The following TMTC2 variants were observed in gnomAD, a reference collection of about 807,000 sequenced individuals.
TMTC2 encodes protein O-mannosyl-transferase TMTC2.
In TMTC2, 43 loss-of-function variants were observed where a neutral mutation model predicts 82.4. That is an observed-to-expected ratio of 0.52 (90% CI 0.41 to 0.67). The LOEUF is 0.67. Ranked by LOEUF, TMTC2 falls within the 30% of genes least tolerant of loss-of-function variation. The probability of loss-of-function intolerance (pLI) is 0.00; values close to 1 mark genes in which losing one functional copy is unlikely to be tolerated. For missense variants in TMTC2, 919 were observed against 1,012.4 expected, an observed-to-expected ratio of 0.91 and a Z score of 1.25; for synonymous variants, 408 against 381.9, an observed-to-expected ratio of 1.07 and a Z score of -0.80.
intron 9 of TMTC2, among the ~76,000 whole-genome samples, chr12:83,047,181 GC>G (rs1882176075): frequency 6.6e-6 from 1 of 152,168 alleles, no homozygotes; most frequent in South Asian, 2.1e-4. Context: ...GTTTGAAGGG[GC>G]TAGTGTCTGG....
intron 4 of TMTC2, among the ~76,000 whole-genome samples, chr12:82,935,511 C>A (rs1319552980): frequency 6.6e-6 from 1 of 152,098 alleles, no homozygotes; most frequent in African/African-American, 2.4e-5. Flanking sequence ...GTGATTTACA[C>A]AGTCAGATTT....
At chr12:82,810,180 G>C (rs1879426602) in intron 1 of TMTC2, among the ~76,000 whole-genome samples, 1 of 151,288 alleles carries the variant, frequency 6.6e-6, no homozygotes, top group Non-Finnish European at 1.5e-5. Flanking sequence ...TTGCATACCA[G>C]TTTCTTTAAA....
chr12:83,106,507 A>AC (rs1218537668), intron 11 of TMTC2, among the ~76,000 whole-genome samples: 1 of 151,862 alleles, frequency 6.6e-6, no homozygotes, highest in Non-Finnish European at 1.5e-5. Context: ...CTCCAAAAAA[A>AC]AAAAAAAAAA....
At chr12:83,081,016 G>A (rs951440209) in intron 11 of TMTC2, among the ~76,000 whole-genome samples, 5 of 152,126 alleles carry the variant, frequency 3.3e-5, no homozygotes, top group Non-Finnish European at 5.9e-5. Flanking sequence ...GTGGTGTTGT[G>A]GTCCCTATCC....
At chr12:83,094,304 C>A (rs1400486075) in intron 11 of TMTC2, among the ~76,000 whole-genome samples, 4 of 152,160 alleles carry the variant, frequency 2.6e-5, no homozygotes, top group Non-Finnish European at 4.4e-5. Context: ...TTTAACCAAG[C>A]AATACCTGCT....
At chr12:82,913,391 T>G (rs1874813276) in intron 3 of TMTC2, among the ~76,000 whole-genome samples, 1 of 152,192 alleles carries the variant, frequency 6.6e-6, no homozygotes, top group Admixed American at 6.5e-5. Flanking sequence ...AGCAGACATT[T>G]ACTTTTGAGG....
chr12:83,077,094 A>T (rs118088321), intron 11 of TMTC2, among the ~76,000 whole-genome samples: 8 of 152,218 alleles, frequency 5.3e-5, no homozygotes, highest in Non-Finnish European at 1.2e-4. Flanking sequence ...GCTCAACTCT[A>T]TAGCAAAGAC....
At chr12:82,964,980 T>C (rs981201382) in intron 4 of TMTC2, 44 bp from the exon 5 acceptor site, 64 of 1,446,938 alleles carry the variant, frequency 4.4e-5, no homozygotes, top group Non-Finnish European at 6.1e-5. Context: ...GTTTTATATA[T>C]AATAATACAG....
At chr12:82,763,403 G>T (rs185337978) in intron 1 of TMTC2, among the ~76,000 whole-genome samples, 2 of 152,290 alleles carry the variant, frequency 1.3e-5, no homozygotes, top group East Asian at 3.9e-4. Context: ...TGACCCAAGT[G>T]GGGAGAGTGC....
At chr12:83,005,361 G>T (rs1447481042) in intron 8 of TMTC2, among the ~76,000 whole-genome samples, 1 of 151,096 alleles carries the variant, frequency 6.6e-6, no homozygotes, top group Non-Finnish European at 1.5e-5. Context: ...AGTAATGGCT[G>T]GCCGATTGGC....
chr12:82,939,852 T>C (rs1451935057), intron 4 of TMTC2, among the ~76,000 whole-genome samples: 1 of 152,128 alleles, frequency 6.6e-6, no homozygotes, highest in Non-Finnish European at 1.5e-5. Context: ...GTGTGTTTTA[T>C]CTTCAATGTG....
chr12:82,743,966 C>G lies in TMTC2; in HGVS notation c.83+56297C>G, dbSNP rs558212715. Among the ~76,000 whole-genome samples the G allele has an allele frequency of 6.6e-5, 10 of 152,124 alleles. No individual in the cohort carries two copies. The South Asian group carries it at 1.9e-3, about 28-fold the overall frequency. On this transcript the variant is annotated intron_variant, in intron 1 of 11. Coordinates refer to ENST00000321196, the MANE Select transcript of TMTC2 (RefSeq NM_152588.3). ...TTGCTATATTTCTAAATGTCAGGTA[C>G]AGGTTTTGGTCAGAAAGGAGGGGGG...
At chr12:83,024,237 A>C in intron 8 of TMTC2, among the ~76,000 whole-genome samples, 1 of 152,318 alleles carries the variant, frequency 6.6e-6, no homozygotes, top group Non-Finnish European at 1.5e-5. Context: ...AATATGTACA[A>C]ATATTTGTAT....
At chr12:83,031,378 G>A (rs1881423975) in intron 9 of TMTC2, among the ~76,000 whole-genome samples, 1 of 152,190 alleles carries the variant, frequency 6.6e-6, no homozygotes, top group Admixed American at 6.5e-5. Flanking sequence ...GGGTGCAAAG[G>A]ATGGCTGTCT....
Position 83,075,561 on chromosome 12 carries a change from C to T in TMTC2, c.2331+13730C>T, listed in dbSNP as rs1377840304. Among the ~76,000 whole-genome samples the T allele has an allele frequency of 2.0e-5, 3 of 152,156 alleles. No individual in the cohort carries two copies. The East Asian group carries it at 5.8e-4, about 29-fold the overall frequency. ...CAACCAGATATCATTGAAACAAGAC[C>T]TTTGATCTTAGGTTTATTCACACTT... On this transcript the variant is annotated intron_variant, in intron 11 of 11. Coordinates refer to ENST00000321196, the MANE Select transcript of TMTC2 (RefSeq NM_152588.3).
At chr12:83,055,084 C>T (rs1882490714) in intron 10 of TMTC2, among the ~76,000 whole-genome samples, 1 of 151,948 alleles carries the variant, frequency 6.6e-6, no homozygotes, top group Non-Finnish European at 1.5e-5. Context: ...GGAGCTGTGC[C>T]ACCATCACCC....
chr12:82,958,207 C>G (rs1252553958), intron 4 of TMTC2, among the ~76,000 whole-genome samples: 1 of 151,658 alleles, frequency 6.6e-6, no homozygotes, highest in Non-Finnish European at 1.5e-5. Flanking sequence ...TACTAAAAAT[C>G]AAAAAGTTTA....
At chr12:82,826,432 T>A (rs1261016363) in intron 1 of TMTC2, among the ~76,000 whole-genome samples, 1 of 152,202 alleles carries the variant, frequency 6.6e-6, no homozygotes. Context: ...TCTTTTATAC[T>A]CCATGCCTCT....
intron 1 of TMTC2, among the ~76,000 whole-genome samples, chr12:82,693,649 A>T (rs1042233932): frequency 6.6e-6 from 1 of 151,926 alleles, no homozygotes; most frequent in African/African-American, 2.4e-5. Flanking sequence ...TATATTTGTC[A>T]GTTGTTTTGA....
Sources: gnomAD v4.1 joint callset for allele counts (sites outside exome capture counted in the v4.1 genomes callset) on GRCh38, gnomAD v4.1.1 for gene constraint, MANE v1.5 for transcripts, NCBI Gene and HGNC (gene_info 2026-07-23, HGNC 2026-07-21) for gene names.